Variants in CDKL4 observed in about 807,000 individuals in gnomAD.
CDKL4 encodes cyclin dependent kinase like 4.
CDKL4 carries 44 observed loss-of-function variants against 42.0 expected under a neutral mutation model. The ratio of observed to expected loss-of-function variants is 1.05; its 90% CI spans 0.82 to 1.35. The LOEUF is 1.35. Ranked by LOEUF, CDKL4 falls within the 40% of genes most tolerant of loss-of-function variation. The probability of loss-of-function intolerance (pLI) is 0.00; values close to 1 mark genes in which losing one functional copy is unlikely to be tolerated. For missense variants in CDKL4, 393 were observed against 369.9 expected, an observed-to-expected ratio of 1.06 and a Z score of -0.51; for synonymous variants, 120 against 121.6, an observed-to-expected ratio of 0.99 and a Z score of 0.09.
At chr2:39,229,705 C>T in intron 1 of CDKL4, 117 bp from the exon 2 acceptor site, 2 of 453,344 alleles carry the variant, frequency 4.4e-6, no homozygotes, top group Middle Eastern at 5.6e-4. Context: ...AATTGGAAAT[C>T]CACTTAAAAA....
intron 9 of CDKL4, chr2:39,178,490 C>A (rs1675258864): frequency 7.1e-7 from 1 of 1,400,834 alleles, no homozygotes; most frequent in Non-Finnish European, 9.8e-7. Flanking sequence ...GTTTTAGGTG[C>A]CGGGTTTACA....
intron 5 of CDKL4, among the ~76,000 whole-genome samples, chr2:39,195,915 T>A (rs1310429281): frequency 6.6e-6 from 1 of 152,202 alleles, no homozygotes; most frequent in Non-Finnish European, 1.5e-5. Context: ...CAGAGCAGCG[T>A]GTGGAGACTT....
At chr2:39,219,674 G>C (rs1678184147) in intron 3 of CDKL4, among the ~76,000 whole-genome samples, 1 of 152,080 alleles carries the variant, frequency 6.6e-6, no homozygotes, top group African/African-American at 2.4e-5. Flanking sequence ...GCCTGCCTCG[G>C]CCTCCCAGAG....
rs529878262 is a variant in CDKL4, at chr2:39,188,594, A to T, written c.653-885T>A. On this transcript the variant is annotated intron_variant, in intron 6 of 9. Coordinates refer to ENST00000451199, the Ensembl canonical transcript of CDKL4. ...AAAAAAAAAAAAAAAAAAAAAAGAC[A>T]AGGTGAGAGAATGGTACTATGGTCT... Among the ~76,000 whole-genome samples, 387 of 142,998 alleles carry T rather than the reference A, an allele frequency of 2.7e-3. 1 individual carries two copies. The highest frequency in any genetic ancestry group is 5.0e-3 in the Non-Finnish European group (326 of 65,096). The allele number at this position is 142,998 out of a possible 152,430, so 93.8% of individuals were successfully genotyped here.
rs201736251 is a variant in CDKL4 at position 39,233,726 on chromosome 2, C to CA, written c.-56-4139dup. Among the ~76,000 whole-genome samples, 941 of 146,472 alleles carry CA rather than the reference C, an allele frequency of 6.4e-3. 5 individuals are homozygous for CA. The highest frequency in any genetic ancestry group is 9.1e-3 in the Non-Finnish European group (602 of 66,458). ...AATTTCAGTTAATGAAAATCATTTA[C>CA]AAAAAAAAACACACAAAATCTAACC... On this transcript the variant is annotated intron_variant, in intron 1 of 9. Transcript: ENST00000451199.
intron 1 of CDKL4, among the ~76,000 whole-genome samples, chr2:39,235,107 G>A (rs1679298959): frequency 6.6e-6 from 1 of 151,854 alleles, no homozygotes. Context: ...CAAACTCCTG[G>A]GCTAAATCGA....
chr2:39,216,075 A>G (rs547230772), intron 3 of CDKL4, among the ~76,000 whole-genome samples: 3 of 152,330 alleles, frequency 2.0e-5, no homozygotes, highest in Admixed American at 1.3e-4. Flanking sequence ...TTCAAATCCC[A>G]GATATGCTGC....
At chr2:39,226,098 T>C (rs1483085108) in intron 2 of CDKL4, 138 bp from the exon 3 acceptor site, 1 of 753,734 alleles carries the variant, frequency 1.3e-6, no homozygotes, top group Non-Finnish European at 1.9e-6. Context: ...ACAAAATTGC[T>C]TGAATCTCTC....
chr2:39,240,925 T>C (rs142582894), intron 1 of CDKL4, among the ~76,000 whole-genome samples: 3 of 152,280 alleles, frequency 2.0e-5, no homozygotes, highest in African/African-American at 4.8e-5. Context: ...ATAACCGGCC[T>C]GTACTCTTAA....
intron 2 of CDKL4, among the ~76,000 whole-genome samples, chr2:39,226,388 C>A (rs560199937): frequency 2.1e-5 from 3 of 143,056 alleles, no homozygotes; most frequent in East Asian, 2.0e-4. Context: ...TCTAGAAGTC[C>A]CCACAATTAG....
chr2:39,180,794 G>T (rs867810521), intron 8 of CDKL4, among the ~76,000 whole-genome samples: 1 of 150,980 alleles, frequency 6.6e-6, no homozygotes, highest in South Asian at 2.1e-4. Context: ...AGGTTTGAGC[G>T]ATTCTCATGC....
chr2:39,207,300 G>A (rs1290934851), intron 4 of CDKL4, among the ~76,000 whole-genome samples: 2 of 152,152 alleles, frequency 1.3e-5, no homozygotes, highest in Admixed American at 6.5e-5. Context: ...TGGGAGGATG[G>A]CTTGTGCCCA....
Position 39,214,084 on chromosome 2 carries a change from G to A in CDKL4, c.291-612C>T, listed in dbSNP as rs146867431. Among the ~76,000 whole-genome samples, 1,063 of 151,900 alleles carry A rather than the reference G, an allele frequency of 7.0e-3. 11 individuals carry two copies. The highest frequency in any genetic ancestry group is 0.024 in the African/African-American group (1,014 of 41,392). The stretch of plus-strand genomic sequence containing the variant: ...ATTACAGGCACGTGCCACGATACCC[G>A]GCTAATTTTTGTATTTTTAGTAGAG... On this transcript the variant is annotated intron_variant, in intron 3 of 9. Coordinates refer to ENST00000451199, the Ensembl canonical transcript of CDKL4.
At chr2:39,200,258 A>C (rs1676767923) in intron 5 of CDKL4, among the ~76,000 whole-genome samples, 1 of 152,158 alleles carries the variant, frequency 6.6e-6, no homozygotes, top group Non-Finnish European at 1.5e-5. Flanking sequence ...AAAAAATAAA[A>C]TACTTAGGAA....
the CDKL4 span, among the ~76,000 whole-genome samples, chr2:39,170,144 G>A: frequency 1.3e-5 from 2 of 151,874 alleles, no homozygotes; most frequent in Admixed American, 6.6e-5. Flanking sequence ...GATTACAGGC[G>A]TGCACCACCA....
intron 1 of CDKL4, among the ~76,000 whole-genome samples, chr2:39,241,462 A>G (rs1238021529): frequency 1.8e-5 from 2 of 109,252 alleles, no homozygotes; most frequent in Non-Finnish European, 4.5e-5. Flanking sequence ...TTTCTCAAAC[A>G]TCAACAGGAT....
chr2:39,191,245 G>A (rs923149660), intron 5 of CDKL4, among the ~76,000 whole-genome samples: 5 of 152,046 alleles, frequency 3.3e-5, no homozygotes, highest in African/African-American at 7.2e-5. Context: ...CTAAAAATAC[G>A]AAAATTAGCC....
chr2:39,187,770 A>G (rs1313615390), intron 6 of CDKL4, 61 bp from the exon 7 acceptor site: 3 of 1,165,096 alleles, frequency 2.6e-6, no homozygotes, highest in Non-Finnish European at 3.8e-6. Flanking sequence ...AAGTGTTTAA[A>G]TGGTTAATGC....
chr2:39,208,904 C>G (rs1057411763), intron 4 of CDKL4, among the ~76,000 whole-genome samples: 1 of 151,984 alleles, frequency 6.6e-6, no homozygotes, highest in Admixed American at 6.6e-5. Flanking sequence ...TGGATGCTCA[C>G]ACATCGAGGA....
Sources: allele counts gnomAD v4.1 joint callset (sites outside exome capture counted in the v4.1 genomes callset), GRCh38; gene constraint gnomAD v4.1.1; transcripts MANE v1.5; gene names NCBI Gene and HGNC (gene_info 2026-07-23, HGNC 2026-07-21).